Variants in FRMPD2 observed in about 807,000 individuals in gnomAD.
FRMPD2 encodes FERM and PDZ domain containing 2.
A neutral mutation model predicts 140.1 loss-of-function variants in FRMPD2; 96 were observed. That is an observed-to-expected ratio of 0.69 (90% CI 0.58 to 0.81). The LOEUF is 0.81. Among genes scored for constraint, FRMPD2 ranks in the 40% least tolerant of loss-of-function variants. The pLI is 0.00. For synonymous variants in FRMPD2, 449 were observed against 547.6 expected, an observed-to-expected ratio of 0.82 and a Z score of 2.52; for missense variants, 1,240 against 1,447.4, an observed-to-expected ratio of 0.86 and a Z score of 2.32.
chr10:48,207,302 C>A (rs559930308), intron 13 of FRMPD2, among the ~76,000 whole-genome samples: 1 of 152,266 alleles, frequency 6.6e-6, no homozygotes, highest in East Asian at 1.9e-4. Flanking sequence ...TAAGAGATTT[C>A]TTTTCCTTGT....
At chr10:48,187,078 A>G (rs1838705499) in intron 17 of FRMPD2, 114 bp downstream of exon 17, 1 of 656,082 alleles carries the variant, frequency 1.5e-6, no homozygotes, top group Non-Finnish European at 2.6e-6. Context: ...TCAAAAAACA[A>G]GAAGGTTACA....
chr10:48,224,670 G>T (rs897431112), intron 10 of FRMPD2, among the ~76,000 whole-genome samples: 5 of 152,184 alleles, frequency 3.3e-5, no homozygotes, highest in East Asian at 1.9e-4. Flanking sequence ...AACCCTAGAG[G>T]TAGTCACCTT....
intron 3 of FRMPD2, among the ~76,000 whole-genome samples, chr10:48,245,955 C>G (rs753508242): frequency 6.6e-6 from 1 of 152,244 alleles, no homozygotes; most frequent in African/African-American, 2.4e-5. Context: ...TGGTTGTTCA[C>G]ATCTCAAGGT....
upstream of FRMPD2, chr10:48,274,767 C>G (rs1183778676): frequency 1.7e-6 from 1 of 597,204 alleles, no homozygotes. Flanking sequence ...CCACCACTCT[C>G]ATTCCCTGGG....
rs1839213266 is a variant in FRMPD2 at position 48,206,878 on chromosome 10, TTC to T, written c.1665_1666del (p.Lys556GlufsTer20). On this transcript the variant is annotated frameshift_variant, in exon 14 of 29. Coordinates refer to ENST00000374201, the MANE Select transcript of FRMPD2 (RefSeq NM_001018071.4). LOFTEE classifies it high-confidence loss of function. ...GGCCATCTCCTCTTCTGGCCTCCTCTTCTCTGAGAATACTTGGTGAACCAGCA... is the reference window on the plus strand; with the variant it reads ...GGCCATCTCCTCTTCTGGCCTCCTCTTCTGAGAATACTTGGTGAACCAGCA... 6 of 1,614,116 alleles carry T rather than the reference TTC, an allele frequency of 3.7e-6. No homozygotes were observed. The highest frequency in any genetic ancestry group is 5.1e-6 in the Non-Finnish European group (6 of 1,179,974).
chr10:48,181,624 G>A (rs1464966763), intron 20 of FRMPD2, among the ~76,000 whole-genome samples: 1 of 151,942 alleles, frequency 6.6e-6, no homozygotes, highest in Non-Finnish European at 1.5e-5. Context: ...TCTGACTCGT[G>A]ACCTGGCATA....
At chr10:48,219,207 G>A (rs975410679) in intron 12 of FRMPD2, among the ~76,000 whole-genome samples, 1 of 151,630 alleles carries the variant, frequency 6.6e-6, no homozygotes, top group Non-Finnish European at 1.5e-5. Flanking sequence ...GAAGGGTGGA[G>A]TGTGTGTGGT....
chr10:48,249,864 A>G (rs950290524), intron 2 of FRMPD2, among the ~76,000 whole-genome samples: 3 of 151,870 alleles, frequency 2.0e-5, no homozygotes, highest in Non-Finnish European at 4.4e-5. Context: ...GAGACACTAT[A>G]GGAGGCCTTA....
intron 28 of FRMPD2, among the ~76,000 whole-genome samples, chr10:48,158,391 G>A (rs1837845043): frequency 6.6e-6 from 1 of 151,010 alleles, no homozygotes. Context: ...GGAATAAAGA[G>A]GCACCAGAAG....
intron 1 of FRMPD2, among the ~76,000 whole-genome samples, chr10:48,259,042 A>G (rs1840535626): frequency 6.6e-6 from 1 of 152,244 alleles, no homozygotes; most frequent in Non-Finnish European, 1.5e-5. Context: ...GTAAAATGTC[A>G]AGAGCATCAT....
At chr10:48,183,129 G>A (rs943683599) in intron 20 of FRMPD2, among the ~76,000 whole-genome samples, 1 of 152,242 alleles carries the variant, frequency 6.6e-6, no homozygotes, top group Non-Finnish European at 1.5e-5. Flanking sequence ...CATGCATGCA[G>A]AAGTGTTCAG....
chr10:48,196,062 C>T (rs993113071), intron 15 of FRMPD2, among the ~76,000 whole-genome samples: 4 of 152,098 alleles, frequency 2.6e-5, no homozygotes, highest in African/African-American at 9.7e-5. Context: ...TCGGACTTAT[C>T]TTGGTGGTCT....
Position 48,243,115 on chromosome 10 carries a change from C to G in FRMPD2, c.376-763G>C, listed in dbSNP as rs142741694. Among the ~76,000 whole-genome samples, 509 of 152,280 alleles carry G rather than the reference C, an allele frequency of 3.3e-3. 2 individuals carry two copies. Among genetic ancestry groups the G allele is most frequent in the African/African-American group, 0.012 (486 of 41,560 alleles). On this transcript the variant is annotated intron_variant, in intron 4 of 28. Transcript: ENST00000374201. ...GTACAGCCAAGCTGCTGAGTCCTGC[C>G]GTCACAGTAAATCCAGGCGTCTTTT...
chr10:48,211,826 G>C, intron 13 of FRMPD2, 128 bp downstream of exon 13: 1 of 789,142 alleles, frequency 1.3e-6, no homozygotes, highest in Non-Finnish European at 1.9e-6. Context: ...GCCTCCTAGA[G>C]TTCCACCCTT....
intron 20 of FRMPD2, 57 bp downstream of exon 20, chr10:48,184,509 A>G (rs1838626631): frequency 9.6e-7 from 1 of 1,036,484 alleles, no homozygotes; most frequent in Admixed American, 1.8e-5. Context: ...CACAGTAATC[A>G]TGTACTCCTG....
rs1176562851 is a variant in FRMPD2 at position 48,159,420 on chromosome 10, G to T, written c.3882-2050C>A. ...AGGTGTAAAGAGAATCCTGCTAGAG[G>T]CAGCACCCAGGATCCAGCCCAGGCT... On this transcript the variant is annotated intron_variant, in intron 28 of 28. Coordinates refer to ENST00000374201, the MANE Select transcript of FRMPD2 (RefSeq NM_001018071.4). Among the ~76,000 whole-genome samples the T allele has an allele frequency of 1.3e-5, 2 of 151,346 alleles. 1 individual carries two copies. The highest frequency in any genetic ancestry group is 2.9e-5 in the Non-Finnish European group (2 of 67,848).
chr10:48,255,453 GT>G (rs1840470330), intron 1 of FRMPD2, among the ~76,000 whole-genome samples: 1 of 152,142 alleles, frequency 6.6e-6, no homozygotes, highest in Admixed American at 6.5e-5. Context: ...AGCTTCATCT[GT>G]GAGGCTGTCC....
chr10:48,193,260 T>C (rs945593991), intron 15 of FRMPD2, among the ~76,000 whole-genome samples: 5 of 152,198 alleles, frequency 3.3e-5, no homozygotes, highest in African/African-American at 4.8e-5. Flanking sequence ...CTTTCTGCTT[T>C]TACAGATCTG....
At chr10:48,179,587 T>A (rs1483181082) in intron 21 of FRMPD2, among the ~76,000 whole-genome samples, 2 of 151,594 alleles carry the variant, frequency 1.3e-5, no homozygotes, top group African/African-American at 4.9e-5. Flanking sequence ...AAGGCTCACA[T>A]GTCACATAAA....
Sources: gnomAD v4.1 joint callset for allele counts (sites outside exome capture counted in the v4.1 genomes callset) on GRCh38, gnomAD v4.1.1 for gene constraint, MANE v1.5 for transcripts, NCBI Gene and HGNC (gene_info 2026-07-23, HGNC 2026-07-21) for gene names.